The following TRPC4AP variants were observed in gnomAD, a reference collection of about 807,000 sequenced individuals.
TRPC4AP encodes transient receptor potential cation channel subfamily C member 4 associated protein.
TRPC4AP carries 45 observed loss-of-function variants against 99.0 expected under a neutral mutation model. The observed-to-expected ratio is 0.45, with a 90% CI of 0.36 to 0.58. TRPC4AP has a LOEUF of 0.58. Among genes scored for constraint, TRPC4AP ranks in the 20% least tolerant of loss-of-function variants. The pLI is 0.00. For synonymous variants in TRPC4AP, 408 were observed against 385.8 expected (o/e 1.06, Z -0.67); for missense variants, 879 against 985.3 (o/e 0.89, Z 1.44).
intron 7 of TRPC4AP, among the ~76,000 whole-genome samples, chr20:35,038,131 T>C (rs1046099962): frequency 3.3e-5 from 5 of 149,702 alleles, no homozygotes; most frequent in Non-Finnish European, 7.4e-5. Flanking sequence ...GATGAAAACG[T>C]GCAACTAGAT....
chr20:35,028,213 T>TTC (rs1239446046), intron 8 of TRPC4AP, among the ~76,000 whole-genome samples: 1 of 126,590 alleles, frequency 7.9e-6, no homozygotes, highest in Non-Finnish European at 1.8e-5. Context: ...AATATTTCCT[T>TTC]TTTTTTTTTT....
intron 6 of TRPC4AP, among the ~76,000 whole-genome samples, chr20:35,047,115 G>A (rs1278152260): frequency 6.6e-6 from 1 of 152,050 alleles, no homozygotes; most frequent in African/African-American, 2.4e-5. Context: ...TGCCCACCTC[G>A]GCCTCACAAA....
chr20:35,082,537 C>T (rs866248260), intron 1 of TRPC4AP, among the ~76,000 whole-genome samples: 10 of 152,166 alleles, frequency 6.6e-5, no homozygotes, highest in South Asian at 4.1e-4. Flanking sequence ...AAATACTACA[C>T]ATCCAAACTG....
chr20:35,084,496 C>CGTATATATGTGTATATATGTCTA (rs2084749175), intron 1 of TRPC4AP, among the ~76,000 whole-genome samples: 1 of 55,092 alleles, frequency 1.8e-5, no homozygotes, highest in East Asian at 1.2e-3. Flanking sequence ...ATGTATATAT[C>CGTATATATGTGTATATATGTCTA]TATATATGTA....
At chr20:35,036,888 G>A in intron 7 of TRPC4AP, among the ~76,000 whole-genome samples, 1 of 152,078 alleles carries the variant, frequency 6.6e-6, no homozygotes, top group African/African-American at 2.4e-5. Context: ...AGAGGTTGCA[G>A]TGAGCTGAGA....
At chr20:35,051,171 G>A (rs758045970) in intron 5 of TRPC4AP, among the ~76,000 whole-genome samples, 3 of 151,880 alleles carry the variant, frequency 2.0e-5, no homozygotes, top group Non-Finnish European at 2.9e-5. Context: ...GGTTTACTGC[G>A]ATAAACTTGA....
At chr20:35,090,553 T>C (rs187476484) in intron 1 of TRPC4AP, among the ~76,000 whole-genome samples, 1 of 152,136 alleles carries the variant, frequency 6.6e-6, no homozygotes, top group African/African-American at 2.4e-5. Flanking sequence ...TTTGTATTTT[T>C]AGTAGAGACG....
chr20:35,050,225 C>G (rs1484889194), intron 5 of TRPC4AP, among the ~76,000 whole-genome samples: 1 of 152,156 alleles, frequency 6.6e-6, no homozygotes, highest in Non-Finnish European at 1.5e-5. Context: ...CTTGTGAGAA[C>G]ATAACACAAT....
At chr20:35,050,935 C>G (rs1014147332) in intron 5 of TRPC4AP, among the ~76,000 whole-genome samples, 1 of 151,702 alleles carries the variant, frequency 6.6e-6, no homozygotes, top group African/African-American at 2.4e-5. Flanking sequence ...AGTGTGAGGC[C>G]GCAGTGAGCT....
At chr20:35,014,622 G>A (rs1182510432) in intron 10 of TRPC4AP, among the ~76,000 whole-genome samples, 1 of 152,188 alleles carries the variant, frequency 6.6e-6, no homozygotes, top group Admixed American at 6.5e-5. Context: ...AATTGAGCCA[G>A]ACAGAACATC....
chr20:35,055,614 T>G (rs926155271), intron 4 of TRPC4AP, among the ~76,000 whole-genome samples: 5 of 152,190 alleles, frequency 3.3e-5, no homozygotes, highest in African/African-American at 1.2e-4. Context: ...CTCAAGCAAT[T>G]TTCCCTCCTC....
intron 1 of TRPC4AP, among the ~76,000 whole-genome samples, chr20:35,088,701 T>G (rs1011881918): frequency 1.3e-5 from 2 of 152,230 alleles, no homozygotes; most frequent in African/African-American, 4.8e-5. Context: ...TAACTTAATC[T>G]TGGTCACCCT....
chr20:35,037,346 C>CAAAAA (rs71196778), intron 7 of TRPC4AP, among the ~76,000 whole-genome samples: 1 of 78,960 alleles, frequency 1.3e-5, no homozygotes, highest in Non-Finnish European at 2.4e-5. Context: ...GACTCTGTCT[C>CAAAAA]AAAAAAAAAA....
intron 9 of TRPC4AP, among the ~76,000 whole-genome samples, chr20:35,016,604 T>TCC (rs2082760244): frequency 6.6e-6 from 1 of 151,934 alleles, no homozygotes; most frequent in Non-Finnish European, 1.5e-5. Context: ...ATTAAAAAAC[T>TCC]CTAAGATCTA....
intron 5 of TRPC4AP, among the ~76,000 whole-genome samples, chr20:35,050,540 C>T (rs1600594230): frequency 6.6e-6 from 1 of 151,972 alleles, no homozygotes; most frequent in Non-Finnish European, 1.5e-5. Flanking sequence ...CGTGCCAAAA[C>T]CCTGTCTACT....
chr20:35,003,482 G>A lies in TRPC4AP; in HGVS notation c.2184C>T (p.Asn728=). Residue 728 remains asparagine, a synonymous_variant, in exon 18 of 19, where the codon AAC becomes AAT. Coordinates refer to ENST00000252015, the MANE Select transcript of TRPC4AP (RefSeq NM_015638.3). ...GCCAGAAGCGCAGCAGGTTGTGGAA[G>A]TTGTTGAGCAGGAAGCCGGGGTACT... is the stretch of plus-strand genomic sequence containing the variant. ...SKKYPGFLLN[N]FHNLLRFWQQ... The A allele has an allele frequency of 1.2e-6, 2 of 1,614,134 alleles. No individual in the cohort carries two copies. The highest frequency in any genetic ancestry group is 1.7e-5 in the Admixed American group (1 of 60,036).
chr20:35,080,404 G>A (rs1358427746), intron 1 of TRPC4AP, among the ~76,000 whole-genome samples: 3 of 152,046 alleles, frequency 2.0e-5, no homozygotes, highest in Non-Finnish European at 2.9e-5. Context: ...GGGAGGCTGA[G>A]GTGGGAGAAT....
intron 6 of TRPC4AP, among the ~76,000 whole-genome samples, chr20:35,046,021 A>C (rs756413571): frequency 1.3e-5 from 2 of 152,174 alleles, no homozygotes; most frequent in Admixed American, 6.5e-5. Context: ...ACTATTAAAC[A>C]ATGTTGCAAT....
intron 1 of TRPC4AP, among the ~76,000 whole-genome samples, chr20:35,083,678 T>A (rs2084713684): frequency 6.7e-6 from 1 of 148,744 alleles, no homozygotes; most frequent in African/African-American, 2.5e-5. Flanking sequence ...ACTAAATATA[T>A]GTGTCAGAAT....
Sources: gnomAD v4.1 joint callset for allele counts (sites outside exome capture counted in the v4.1 genomes callset) on GRCh38, gnomAD v4.1.1 for gene constraint, MANE v1.5 for transcripts, NCBI Gene and HGNC (gene_info 2026-07-23, HGNC 2026-07-21) for gene names.